ARHGEF4: variants seen among roughly 807,000 people sequenced by gnomAD.
ARHGEF4 encodes the protein Rho guanine nucleotide exchange factor 4, also known as APC-stimulated guanine nucleotide exchange factor 1.
In ARHGEF4, 119 loss-of-function variants were observed where a neutral mutation model predicts 162.0. The observed-to-expected ratio is 0.73, with a 90% CI of 0.63 to 0.86. The LOEUF (loss-of-function observed/expected upper bound fraction) is 0.86, where lower values mean the gene tolerates loss of function less well. Among genes scored for constraint, ARHGEF4 ranks in the 40% least tolerant of loss-of-function variants. The pLI is 0.00. For synonymous variants in ARHGEF4, 1,014 were observed against 979.9 expected, an observed-to-expected ratio of 1.03 and a Z score of -0.65; for missense variants, 2,488 against 2,456.0, an observed-to-expected ratio of 1.01 and a Z score of -0.28.
rs1681366771 is a variant in ARHGEF4 at position 130,914,377 on chromosome 2, A to T, written c.431A>T (p.Asn144Ile). Residue 144 changes from asparagine (N) to isoleucine (I), a missense_variant, in exon 2 of 14, where the codon AAT (asparagine) becomes ATT (isoleucine). Coordinates refer to ENST00000409359, the MANE Select transcript of ARHGEF4 (RefSeq NM_001367493.1). ...SPSLEDDSCK[N>I]GWRAFATVAG... ...AGCTTAGAGGATGACTCTTGCAAAA[A>T]TGGGTGGCGAGCCTTTGCCACAGTT... is the stretch of plus-strand genomic sequence containing the variant. 2 of 1,446,622 alleles carry T rather than the reference A, an allele frequency of 1.4e-6. No individual in the cohort carries two copies. Among genetic ancestry groups the T allele is most frequent in the Non-Finnish European group, 1.8e-6 (2 of 1,105,086 alleles). The allele number at this position is 1,446,622 out of a possible 1,614,324, so 89.6% of individuals were successfully genotyped here.
chr2:130,867,360 T>C (rs1211437657), intron 1 of ARHGEF4, among the ~76,000 whole-genome samples: 2 of 151,884 alleles, frequency 1.3e-5, no homozygotes, highest in African/African-American at 2.4e-5. Context: ...TGCCTCAGCC[T>C]CTTGAGTACT....
chr2:130,916,100 C>T lies in ARHGEF4; in HGVS notation c.2154C>T (p.Val718=), dbSNP rs1286160972. Reference sequence around the variant, plus strand: ...CCGCAGAGCTTGGGAGAGTGCTGGTCCCCCAAGCTGCTTCGGAAGAGACGC... The same window carrying T: ...CCGCAGAGCTTGGGAGAGTGCTGGTTCCCCAAGCTGCTTCGGAAGAGACGC... ...AQAAELGRVL[V]PQAASEETPS... Residue 718 remains valine (V), a synonymous_variant, in exon 2 of 14, where the codon GTC becomes GTT. Coordinates refer to ENST00000409359, the MANE Select transcript of ARHGEF4 (RefSeq NM_001367493.1). The T allele has an allele frequency of 1.3e-6, 2 of 1,550,026 alleles. No individual in the cohort carries two copies. The highest frequency in any genetic ancestry group is 1.7e-6 in the Non-Finnish European group (2 of 1,146,912).
In ARHGEF4 at chr2:130,914,799, T is replaced by C. The variant is rs1681388267; in HGVS notation, c.853T>C (p.Trp285Arg). Residue 285 changes from tryptophan (W) to arginine (R), a missense_variant, in exon 2 of 14, where the codon TGG becomes CGG. Physicochemically the swap from Trp to Arg is moderately radical, Grantham distance 101. Coordinates refer to ENST00000409359, the MANE Select transcript of ARHGEF4 (RefSeq NM_001367493.1). ...LGPAGDTELL[W>R]SQPHSDVPCQ... is the part of the protein sequence containing the mutation. ...CCCTGCAGGGGACACAGAATTGCTC[T>C]GGTCCCAGCCCCACTCGGATGTCCC... The C allele has an allele frequency of 6.9e-7, 1 of 1,445,006 alleles. No individual in the cohort carries two copies. The highest frequency in any genetic ancestry group is 9.1e-7 in the Non-Finnish European group (1 of 1,103,408). 89.5% of individuals were successfully genotyped at this position (1,445,006 alleles called of 1,614,324 possible).
Position 130,917,065 on chromosome 2 carries a change from G to GGTAC in ARHGEF4, c.3120_3123dup (p.Leu1042ValfsTer41). 6.4e-7 allele frequency: 1 copy of GGTAC among 1,550,804 alleles called. No homozygotes were observed. Among genetic ancestry groups the GGTAC allele is most frequent in the Non-Finnish European group, 8.7e-7 (1 of 1,147,038 alleles). On this transcript the variant is annotated frameshift_variant, in exon 2 of 14. Transcript: ENST00000409359. LOFTEE classifies it high-confidence loss of function. ...TGCACAGCCACCCAGGAAGGCGGTA[G>GGTAC]GTACCTACCTTCAGGTATCTTTCCG...
At chr2:130,882,882 A>G (rs987563478) in intron 1 of ARHGEF4, among the ~76,000 whole-genome samples, 5 of 152,002 alleles carry the variant, frequency 3.3e-5, no homozygotes, top group African/African-American at 1.2e-4. Flanking sequence ...GGACAGGGAC[A>G]TAGGGCTGGA....
chr2:130,923,012 C>G (rs1681982731), intron 2 of ARHGEF4, among the ~76,000 whole-genome samples: 1 of 151,942 alleles, frequency 6.6e-6, no homozygotes, highest in South Asian at 2.1e-4. Context: ...CTCAGTGCAA[C>G]TTCCGCTTCC....
chr2:131,032,821 G>A (rs1223169879), intron 5 of ARHGEF4, among the ~76,000 whole-genome samples: 6 of 133,006 alleles, frequency 4.5e-5, no homozygotes, highest in African/African-American at 1.6e-4. Context: ...TTGCCTTCAA[G>A]CTTTCTTTTC....
At chr2:130,985,854 GTA>G (rs1382930353) in intron 4 of ARHGEF4, among the ~76,000 whole-genome samples, 2 of 151,682 alleles carry the variant, frequency 1.3e-5, no homozygotes, top group Non-Finnish European at 2.9e-5. Context: ...GGTGTGTTTT[GTA>G]TATGTTGTGT....
At chr2:130,926,058 CTT>C (rs71299250) in intron 2 of ARHGEF4, among the ~76,000 whole-genome samples, 4 of 104,938 alleles carry the variant, frequency 3.8e-5, no homozygotes, top group African/African-American at 6.5e-5. Context: ...CTCTTTCTTT[CTT>C]TCTTTCTTTC....
intron 4 of ARHGEF4, among the ~76,000 whole-genome samples, chr2:130,985,136 T>A (rs1288620668): frequency 2.0e-5 from 3 of 152,112 alleles, no homozygotes; most frequent in Admixed American, 6.6e-5. Flanking sequence ...TCTTTGGATG[T>A]AGAGGTGCTT....
At position 130,860,801 on chromosome 2, in the gene ARHGEF4, A is replaced by G. The variant is rs1325755518; in HGVS notation, c.39+23809A>G. On this transcript the variant is annotated intron_variant, in intron 1 of 13. Transcript: ENST00000409359. ...CTTAAAAAAGACATAAGATTATATG[A>G]AGCAGTGTATTGATCTGTTTGTAAC... Among the ~76,000 whole-genome samples the G allele has an allele frequency of 5.0e-3, 475 of 95,530 alleles. 36 individuals are homozygous for G. The highest frequency in any genetic ancestry group is 6.7e-3 in the Non-Finnish European group (358 of 53,706). The allele number at this position is 95,530 out of a possible 152,430, so 62.7% of individuals were successfully genotyped here.
intron 4 of ARHGEF4, among the ~76,000 whole-genome samples, chr2:130,975,014 G>A (rs1685608253): frequency 6.6e-6 from 1 of 152,056 alleles, no homozygotes; most frequent in Non-Finnish European, 1.5e-5. Flanking sequence ...AAAAAAATAA[G>A]TTAGTCTCAG....
At chr2:130,848,799 G>A (rs943270629) in intron 1 of ARHGEF4, among the ~76,000 whole-genome samples, 2 of 152,220 alleles carry the variant, frequency 1.3e-5, no homozygotes, top group Non-Finnish European at 2.9e-5. Flanking sequence ...GTGGGACAGG[G>A]ATACAGGGCA....
At chr2:130,926,066 CTTTCTTTCTTTG>C (rs1194671287) in intron 2 of ARHGEF4, among the ~76,000 whole-genome samples, 44 of 136,018 alleles carry the variant, frequency 3.2e-4, no homozygotes, top group African/African-American at 1.1e-3. Flanking sequence ...TTCTTTCTTT[CTTTCTTTCTTTG>C]GTCTGTTTTC....
intron 9 of ARHGEF4, 109 bp from the exon 10 acceptor site, chr2:131,041,706 A>T (rs1690822896): frequency 6.8e-7 from 1 of 1,470,996 alleles, no homozygotes; most frequent in Admixed American, 2.1e-5. Context: ...GATGTGGTCA[A>T]AGGGCACAGC....
intron 5 of ARHGEF4, chr2:131,034,911 T>G: frequency 2.2e-6 from 2 of 911,902 alleles, no homozygotes; most frequent in African/African-American, 1.8e-5. Flanking sequence ...ACAGCCGGCT[T>G]GGTTGCCAGG....
intron 2 of ARHGEF4, among the ~76,000 whole-genome samples, chr2:130,923,121 G>A (rs1393444738): frequency 6.6e-6 from 1 of 152,046 alleles, no homozygotes; most frequent in African/African-American, 2.4e-5. Context: ...AGTAGAGATG[G>A]GTTTCGCCAT....
At chr2:130,910,517 C>T (rs1398600703) in intron 1 of ARHGEF4, among the ~76,000 whole-genome samples, 2 of 152,132 alleles carry the variant, frequency 1.3e-5, no homozygotes, top group Admixed American at 1.3e-4. Context: ...TGAACTGTAA[C>T]AGAATTAAAA....
At chr2:131,018,320 C>T (rs941987541) in intron 4 of ARHGEF4, among the ~76,000 whole-genome samples, 2 of 152,058 alleles carry the variant, frequency 1.3e-5, no homozygotes, top group African/African-American at 2.4e-5. Flanking sequence ...TTTGCATTTC[C>T]CTAATGATTA....
Sources: allele counts gnomAD v4.1 joint callset (sites outside exome capture counted in the v4.1 genomes callset), GRCh38; gene constraint gnomAD v4.1.1; transcripts MANE v1.5; gene names NCBI Gene and HGNC (gene_info 2026-07-23, HGNC 2026-07-21).